Variants in IMPA2 observed in about 807,000 individuals in gnomAD.
IMPA2 encodes inositol monophosphatase 2.
Under a neutral mutation model 35.1 loss-of-function variants are expected in IMPA2, and 32 were observed. The observed-to-expected ratio is 0.91, with a 90% confidence interval of 0.69 to 1.23. The LOEUF (loss-of-function observed/expected upper bound fraction) is 1.23. IMPA2 is among the 50% of genes most tolerant of loss of function. The pLI is 0.00. For synonymous variants in IMPA2, 135 were observed against 160.6 expected (o/e 0.84, Z 1.20); for missense variants, 334 against 387.6 (o/e 0.86, Z 1.16).
intron 2 of IMPA2, among the ~76,000 whole-genome samples, chr18:12,006,810 A>G (rs913867460): frequency 3.9e-5 from 6 of 152,130 alleles, no homozygotes; most frequent in African/African-American, 1.4e-4. Flanking sequence ...GGGTGGTTAC[A>G]GTGTGTATGG....
chr18:12,001,917 C>A (rs1368399074), intron 2 of IMPA2, among the ~76,000 whole-genome samples: 2 of 152,188 alleles, frequency 1.3e-5, no homozygotes, highest in African/African-American at 4.8e-5. Flanking sequence ...CACGGACAGC[C>A]CCAGTCTGTG....
At chr18:12,015,484 G>A (rs1302262726) in intron 5 of IMPA2, among the ~76,000 whole-genome samples, 4 of 151,538 alleles carry the variant, frequency 2.6e-5, no homozygotes, top group African/African-American at 9.7e-5. Context: ...GGCCAGGAAA[G>A]TGGCGGGCCA....
intron 2 of IMPA2, among the ~76,000 whole-genome samples, chr18:12,007,364 T>C (rs970843928): frequency 1.3e-5 from 2 of 152,230 alleles, no homozygotes; most frequent in Non-Finnish European, 2.9e-5. Flanking sequence ...ATGCGGTGAC[T>C]GGCTACTGTA....
chr18:11,999,287 T>C, intron 2 of IMPA2, 100 bp downstream of exon 2: 1 of 1,175,708 alleles, frequency 8.5e-7, no homozygotes, highest in East Asian at 2.5e-5. Context: ...TTTGTTGATG[T>C]GGCCAGACGT....
At chr18:11,985,698 T>G (rs374521988) in intron 1 of IMPA2, among the ~76,000 whole-genome samples, 1 of 152,218 alleles carries the variant, frequency 6.6e-6, no homozygotes, top group Non-Finnish European at 1.5e-5. Context: ...TGGTCCTGTA[T>G]GTTTTTGTCA....
intron 5 of IMPA2, among the ~76,000 whole-genome samples, chr18:12,027,366 C>G (rs929730629): frequency 1.3e-5 from 2 of 152,164 alleles, no homozygotes; most frequent in Non-Finnish European, 2.9e-5. Context: ...GGTGTCGGCA[C>G]CCCCCTGCAT....
At chr18:11,996,820 C>G (rs967759532) in intron 1 of IMPA2, among the ~76,000 whole-genome samples, 6 of 151,992 alleles carry the variant, frequency 3.9e-5, no homozygotes, top group African/African-American at 1.4e-4. Flanking sequence ...CACCCCAGCT[C>G]TATGCACACA....
intron 5 of IMPA2, among the ~76,000 whole-genome samples, chr18:12,022,361 G>A (rs1280379881): frequency 2.6e-5 from 4 of 151,510 alleles, no homozygotes; most frequent in Admixed American, 1.3e-4. Context: ...GAGAAACCCC[G>A]TCTCTATTAA....
At chr18:11,994,477 A>C (rs1906903286) in intron 1 of IMPA2, 1 of 152,334 alleles carries the variant, frequency 6.6e-6, no homozygotes, top group Non-Finnish European at 1.5e-5. Context: ...TTCCTGGCGG[A>C]CACACCCAGA....
intron 5 of IMPA2, among the ~76,000 whole-genome samples, chr18:12,024,367 C>T (rs1202933273): frequency 1.3e-5 from 2 of 151,468 alleles, no homozygotes; most frequent in Non-Finnish European, 2.9e-5. Context: ...ACCTGTAATC[C>T]CCGCTACTTG....
chr18:12,016,656 T>C (rs2143813623), intron 5 of IMPA2, among the ~76,000 whole-genome samples: 1 of 152,194 alleles, frequency 6.6e-6, no homozygotes, highest in East Asian at 1.9e-4. Flanking sequence ...TGACCTCAAG[T>C]GATCCACCCG....
At chr18:11,998,792 A>G (rs1483656934) in intron 1 of IMPA2, among the ~76,000 whole-genome samples, 3 of 152,118 alleles carry the variant, frequency 2.0e-5, no homozygotes, top group Admixed American at 1.3e-4. Context: ...TGGAGAAATA[A>G]TTTTTCTTGT....
chr18:12,017,582 TTTTA>T (rs1165176527), intron 5 of IMPA2: 1 of 429,794 alleles, frequency 2.3e-6, no homozygotes, highest in East Asian at 7.7e-5. Flanking sequence ...AGTACGTATT[TTTTA>T]TTTGTTTTGT....
intron 1 of IMPA2, among the ~76,000 whole-genome samples, chr18:11,995,548 C>T (rs1020971353): frequency 1.3e-5 from 2 of 152,214 alleles, no homozygotes; most frequent in African/African-American, 4.8e-5. Context: ...CTATTTTATG[C>T]TCCCTTCAGG....
At chr18:11,984,629 C>T (rs1459887417) in intron 1 of IMPA2, among the ~76,000 whole-genome samples, 4 of 151,664 alleles carry the variant, frequency 2.6e-5, no homozygotes, top group Non-Finnish European at 4.4e-5. Context: ...CACCTGAGGT[C>T]GGGAATTTGA....
At chr18:12,019,521 G>C (rs1907672386) in intron 5 of IMPA2, among the ~76,000 whole-genome samples, 1 of 150,588 alleles carries the variant, frequency 6.6e-6, no homozygotes, top group Admixed American at 6.7e-5. Context: ...ACCCACCTCA[G>C]CCTCCCAAAG....
intron 1 of IMPA2, among the ~76,000 whole-genome samples, chr18:11,994,563 A>G (rs1568028384): frequency 1.3e-5 from 2 of 152,192 alleles, no homozygotes; most frequent in African/African-American, 2.4e-5. Flanking sequence ...TATGTTTTGA[A>G]TGTGGAAAAC....
At chr18:12,014,197 A>G (rs1260447078) in intron 4 of IMPA2, 68 bp from the exon 5 acceptor site, 20 of 1,090,188 alleles carry the variant, frequency 1.8e-5, no homozygotes, top group Non-Finnish European at 2.7e-5. Flanking sequence ...TCTTTGAATA[A>G]CAATGTTTTT....
At chr18:11,987,083 G>A (rs970797707) in intron 1 of IMPA2, among the ~76,000 whole-genome samples, 2 of 152,198 alleles carry the variant, frequency 1.3e-5, no homozygotes, top group African/African-American at 4.8e-5. Context: ...CACTCCTTGG[G>A]TCGCTGCTGT....
Sources: allele counts gnomAD v4.1 joint callset (sites outside exome capture counted in the v4.1 genomes callset), GRCh38; gene constraint gnomAD v4.1.1; transcripts MANE v1.5; gene names NCBI Gene and HGNC (gene_info 2026-07-23, HGNC 2026-07-21).